Variants in ANO3 observed in about 807,000 individuals in gnomAD.
The protein encoded by ANO3 is anoctamin 3.
ANO3 carries 99 observed loss-of-function variants against 144.8 expected under a neutral mutation model. The ratio of observed to expected loss-of-function variants is 0.68; its 90% confidence interval spans 0.58 to 0.81. The LOEUF (loss-of-function observed/expected upper bound fraction) is 0.81. Ranked by LOEUF, ANO3 falls within the 30% of genes least tolerant of loss-of-function variation. The pLI is 0.00. For missense variants in ANO3, 905 were observed against 1,202.2 expected, an observed-to-expected ratio of 0.75 and a Z score of 3.66; for synonymous variants, 414 against 392.6, an observed-to-expected ratio of 1.05 and a Z score of -0.64.
intron 14 of ANO3, among the ~76,000 whole-genome samples, chr11:26,587,801 A>T (rs112508998): frequency 2.4e-4 from 37 of 152,150 alleles, no homozygotes; most frequent in African/African-American, 5.8e-4. Context: ...AACTAAAATT[A>T]AAAAAATCAG....
chr11:26,393,827 T>C (rs1484711618), intron 1 of ANO3, among the ~76,000 whole-genome samples: 1 of 152,186 alleles, frequency 6.6e-6, no homozygotes, highest in Non-Finnish European at 1.5e-5. Context: ...CATAAATAGT[T>C]GATGCACATA....
intron 1 of ANO3, among the ~76,000 whole-genome samples, chr11:26,402,069 A>G (rs1565003851): frequency 6.6e-6 from 1 of 152,072 alleles, no homozygotes; most frequent in Non-Finnish European, 1.5e-5. Flanking sequence ...GGATGATTCC[A>G]TATCTTTGCT....
chr11:26,337,833 G>C (rs1855232684), intron 1 of ANO3, among the ~76,000 whole-genome samples: 1 of 152,114 alleles, frequency 6.6e-6, no homozygotes, highest in Admixed American at 6.6e-5. Flanking sequence ...TACTCAGGAG[G>C]CTGAGGCAGG....
At chr11:26,406,273 G>A (rs952319024) in intron 1 of ANO3, among the ~76,000 whole-genome samples, 3 of 151,726 alleles carry the variant, frequency 2.0e-5, no homozygotes, top group African/African-American at 4.8e-5. Context: ...TCCACCTTGA[G>A]CCCTTTGATA....
chr11:26,569,064 A>G (rs1001055014), intron 14 of ANO3, among the ~76,000 whole-genome samples: 36 of 151,996 alleles, frequency 2.4e-4, no homozygotes, highest in African/African-American at 8.0e-4. Context: ...TATGTGAGAG[A>G]CATGGCATTG....
intron 13 of ANO3, among the ~76,000 whole-genome samples, chr11:26,554,644 G>A (rs12418975): frequency 0.47 from 71,558 of 151,794 alleles, 17,690 homozygotes; most frequent in East Asian, 0.65. Flanking sequence ...TTCTGTGTAC[G>A]CTACCCAAGT....
At chr11:26,275,460 T>C (rs1853536937) in intron 1 of ANO3, among the ~76,000 whole-genome samples, 1 of 152,160 alleles carries the variant, frequency 6.6e-6, no homozygotes, top group South Asian at 2.1e-4. Flanking sequence ...TGCCTGACCT[T>C]CTTTTGACTA....
At chr11:26,254,024 G>A (rs1477344981) in intron 1 of ANO3, among the ~76,000 whole-genome samples, 1 of 152,152 alleles carries the variant, frequency 6.6e-6, no homozygotes, top group East Asian at 1.9e-4. Context: ...CCTGCAAGCT[G>A]CAATTTTGTT....
chr11:26,289,757 G>A (rs140676934), intron 1 of ANO3, among the ~76,000 whole-genome samples: 8,715 of 133,810 alleles, frequency 0.065, 1,078 homozygotes, highest in African/African-American at 0.22. Context: ...TTCTATATGT[G>A]TATATATATG....
At chr11:26,261,858 A>G (rs1352805821) in intron 1 of ANO3, among the ~76,000 whole-genome samples, 2 of 152,348 alleles carry the variant, frequency 1.3e-5, no homozygotes, top group African/African-American at 4.8e-5. Flanking sequence ...CGTTTGAATT[A>G]GGATTCAAAA....
intron 1 of ANO3, among the ~76,000 whole-genome samples, chr11:26,359,813 A>G (rs1251477705): frequency 1.3e-5 from 2 of 152,090 alleles, no homozygotes; most frequent in African/African-American, 4.8e-5. Context: ...CCATTACTTC[A>G]GATGGGAAGG....
chr11:26,500,477 C>T (rs1030095639), intron 4 of ANO3, among the ~76,000 whole-genome samples: 1 of 151,950 alleles, frequency 6.6e-6, no homozygotes, highest in Non-Finnish European at 1.5e-5. Flanking sequence ...TTGTCTTTTT[C>T]ATTATAGCCT....
intron 1 of ANO3, among the ~76,000 whole-genome samples, chr11:26,191,529 C>A (rs2133903034): frequency 6.6e-6 from 1 of 152,210 alleles, no homozygotes; most frequent in East Asian, 1.9e-4. Context: ...TCCCGAAGCA[C>A]AACTCTCACC....
chr11:26,271,115 C>T lies in ANO3; in HGVS notation c.155-38530C>T, dbSNP rs546965868. 3.3e-5 allele frequency among the ~76,000 whole-genome samples: 5 copies of T among 152,220 alleles called. No homozygotes were observed. The East Asian group carries it at 7.7e-4, about 24-fold the overall frequency. On this transcript the variant is annotated intron_variant, in intron 1 of 27. Transcript: ENST00000672621. The stretch of plus-strand genomic sequence containing the variant: ...TTAATTTTGTTAGTGACAAGATTGC[C>T]CTTCTGAAAAGATAATTCTAAAAGA...
intron 14 of ANO3, among the ~76,000 whole-genome samples, chr11:26,589,613 T>A (rs533681858): frequency 1.6e-4 from 25 of 151,548 alleles, no homozygotes; most frequent in African/African-American, 6.1e-4. Context: ...CAAAAGTCCC[T>A]GCCCCTGGCC....
intron 1 of ANO3, among the ~76,000 whole-genome samples, chr11:26,426,301 A>T (rs567059948): frequency 6.6e-6 from 1 of 152,290 alleles, no homozygotes; most frequent in East Asian, 1.9e-4. Context: ...TGTAATTAAA[A>T]GTTATAGTAT....
At chr11:26,534,583 CAG>C (rs760025496) in intron 9 of ANO3, 21 bp downstream of exon 9, 156 of 1,510,870 alleles carry the variant, frequency 1.0e-4, no homozygotes, top group Non-Finnish European at 1.4e-4. Context: ...TAATTAATAA[CAG>C]AGTAGAACTT....
chr11:26,428,175 A>G (rs910905627), intron 1 of ANO3, among the ~76,000 whole-genome samples: 8 of 152,242 alleles, frequency 5.3e-5, no homozygotes, highest in Non-Finnish European at 8.8e-5. Flanking sequence ...GTATATGTAT[A>G]TATGTGTCTG....
intron 12 of ANO3, among the ~76,000 whole-genome samples, chr11:26,552,845 C>A (rs940857479): frequency 2.0e-5 from 3 of 152,036 alleles, no homozygotes; most frequent in Non-Finnish European, 4.4e-5. Context: ...TGTGTGATCA[C>A]CAGACTTGAG....
Sources: allele counts gnomAD v4.1 joint callset (sites outside exome capture counted in the v4.1 genomes callset), GRCh38; gene constraint gnomAD v4.1.1; transcripts MANE v1.5; gene names NCBI Gene and HGNC (gene_info 2026-07-23, HGNC 2026-07-21).